Variants in LRP1B observed in about 807,000 individuals in gnomAD.
LRP1B encodes LDL receptor related protein 1B.
Under a neutral mutation model 556.6 loss-of-function variants are expected in LRP1B, and 217 were observed. The observed-to-expected ratio is 0.39, with a 90% confidence interval of 0.35 to 0.44. LRP1B has a LOEUF of 0.44. LRP1B is among the 20% of genes least tolerant of loss of function. LRP1B has a pLI of 1.00. For missense variants in LRP1B, 5,053 were observed against 5,620.8 expected, an observed-to-expected ratio of 0.90 and a Z score of 3.23; for synonymous variants, 2,047 against 1,865.8, an observed-to-expected ratio of 1.10 and a Z score of -2.50.
chr2:141,184,997 C>T (rs902213240), intron 7 of LRP1B, among the ~76,000 whole-genome samples: 3 of 151,924 alleles, frequency 2.0e-5, no homozygotes, highest in Non-Finnish European at 4.4e-5. Flanking sequence ...AAAAGGTCAT[C>T]TTTGATGGGG....
chr2:141,018,773 A>T (rs1281779317), intron 12 of LRP1B, among the ~76,000 whole-genome samples: 2 of 152,282 alleles, frequency 1.3e-5, no homozygotes, highest in South Asian at 4.1e-4. Flanking sequence ...CCAGATGATT[A>T]TATAATCCAA....
intron 1 of LRP1B, among the ~76,000 whole-genome samples, chr2:142,084,556 T>A (rs568120182): frequency 1.3e-5 from 2 of 152,288 alleles, no homozygotes; most frequent in African/African-American, 4.8e-5. Flanking sequence ...CAGGCATTTC[T>A]GCATTTCTCA....
intron 1 of LRP1B, among the ~76,000 whole-genome samples, chr2:141,953,435 A>T (rs2105038920): frequency 6.6e-6 from 1 of 152,236 alleles, no homozygotes; most frequent in African/African-American, 2.4e-5. Context: ...CTCTGGAAAA[A>T]GCAGACTACC....
chr2:141,882,822 C>T (rs941531608), intron 1 of LRP1B, among the ~76,000 whole-genome samples: 4 of 152,160 alleles, frequency 2.6e-5, no homozygotes, highest in Non-Finnish European at 5.9e-5. Context: ...ATCCTACCAC[C>T]TCAGCCTCTC....
At chr2:141,249,833 G>T (rs1165455959) in intron 4 of LRP1B, among the ~76,000 whole-genome samples, 2 of 152,106 alleles carry the variant, frequency 1.3e-5, no homozygotes, top group African/African-American at 4.8e-5. Flanking sequence ...TGTAATGTAG[G>T]GAAAGAAGGG....
At chr2:142,032,890 G>A (rs1440082420) in intron 1 of LRP1B, among the ~76,000 whole-genome samples, 2 of 151,786 alleles carry the variant, frequency 1.3e-5, no homozygotes, top group Non-Finnish European at 2.9e-5. Flanking sequence ...GACTGATGAT[G>A]TGTCCGTTAC....
chr2:141,357,007 T>C (rs968232346), intron 3 of LRP1B, among the ~76,000 whole-genome samples: 1 of 152,088 alleles, frequency 6.6e-6, no homozygotes, highest in African/African-American at 2.4e-5. Flanking sequence ...ATGATGGAAA[T>C]ATGTGTTCAC....
At chr2:141,799,779 G>C (rs1695942473) in intron 2 of LRP1B, among the ~76,000 whole-genome samples, 1 of 148,004 alleles carries the variant, frequency 6.8e-6, no homozygotes, top group Admixed American at 6.7e-5. Flanking sequence ...TCACTGTTAC[G>C]TTTAACAATC....
At chr2:140,322,323 G>C (rs1680184833) in intron 81 of LRP1B, among the ~76,000 whole-genome samples, 2 of 151,976 alleles carry the variant, frequency 1.3e-5, no homozygotes, top group Non-Finnish European at 2.9e-5. Flanking sequence ...TTCCAAAAGA[G>C]AGAAGAAATT....
At chr2:140,668,654 A>G (rs1267781667) in intron 41 of LRP1B, among the ~76,000 whole-genome samples, 1 of 152,148 alleles carries the variant, frequency 6.6e-6, no homozygotes, top group Non-Finnish European at 1.5e-5. Flanking sequence ...TTATTTATAT[A>G]TTCATCCAAA....
chr2:141,226,765 C>T (rs1354378627), intron 6 of LRP1B, among the ~76,000 whole-genome samples: 4 of 152,096 alleles, frequency 2.6e-5, no homozygotes, highest in Non-Finnish European at 5.9e-5. Context: ...CAGAGCCCAT[C>T]GTATTCAATG....
chr2:141,525,428 T>A (rs1275130781), intron 2 of LRP1B, among the ~76,000 whole-genome samples: 1 of 152,034 alleles, frequency 6.6e-6, no homozygotes, highest in South Asian at 2.1e-4. Flanking sequence ...TTTAGCTGTG[T>A]AATCAATTTT....
chr2:140,370,142 A>G (rs1445534208), intron 71 of LRP1B, among the ~76,000 whole-genome samples: 1 of 152,012 alleles, frequency 6.6e-6, no homozygotes, highest in African/African-American at 2.4e-5. Context: ...TAATCTTCGC[A>G]CAGCTAGGAA....
intron 7 of LRP1B, among the ~76,000 whole-genome samples, chr2:141,112,064 AAATAAAT>A (rs1329085819): frequency 3.0e-4 from 31 of 103,642 alleles, no homozygotes; most frequent in African/African-American, 9.6e-4. Context: ...ATAAATAAAT[AAATAAAT>A]AATAAATAAA....
chr2:141,429,370 C>T (rs1016641981), intron 3 of LRP1B, among the ~76,000 whole-genome samples: 1 of 152,142 alleles, frequency 6.6e-6, no homozygotes, highest in Non-Finnish European at 1.5e-5. Flanking sequence ...AACTAAATAT[C>T]AAGTAACTTT....
At chr2:141,976,994 T>G (rs929465120) in intron 1 of LRP1B, among the ~76,000 whole-genome samples, 6 of 152,202 alleles carry the variant, frequency 3.9e-5, no homozygotes, top group African/African-American at 1.4e-4. Flanking sequence ...AAAACAATTT[T>G]GAACCTTGGA....
intron 79 of LRP1B, among the ~76,000 whole-genome samples, chr2:140,329,524 G>GA (rs1558806191): frequency 6.6e-6 from 1 of 151,806 alleles, no homozygotes; most frequent in Non-Finnish European, 1.5e-5. Flanking sequence ...AGCTTCTTAA[G>GA]TTGATAAGCA....
chr2:140,491,953 G>T (rs947963627), intron 57 of LRP1B, among the ~76,000 whole-genome samples: 2 of 152,136 alleles, frequency 1.3e-5, no homozygotes, highest in Admixed American at 6.6e-5. Context: ...TGGTGAACTG[G>T]AGAGCAGGGC....
At chr2:140,869,119 T>A (rs1303033652) in intron 25 of LRP1B, among the ~76,000 whole-genome samples, 1 of 151,976 alleles carries the variant, frequency 6.6e-6, no homozygotes, top group African/African-American at 2.4e-5. Flanking sequence ...CATAAACCAA[T>A]CAGCAAGAAT....
Sources: allele counts gnomAD v4.1 joint callset (sites outside exome capture counted in the v4.1 genomes callset), GRCh38; gene constraint gnomAD v4.1.1; transcripts MANE v1.5; gene names NCBI Gene and HGNC (gene_info 2026-07-23, HGNC 2026-07-21).